The following GAS5 variants were observed in gnomAD, a reference collection of about 807,000 sequenced individuals.
GAS5 encodes growth arrest specific 5 (non-protein coding).
chr1:173,864,782 ATG>A (rs1654295087), intron 6 of GAS5: 1 of 517,666 alleles, frequency 1.9e-6, no homozygotes, highest in Admixed American at 2.0e-5. Flanking sequence ...ACATTATAGA[ATG>A]GCTATATTCC....
At chr1:173,866,683 A>G (rs1407625098) in intron 2 of GAS5, 4 of 765,018 alleles carry the variant, frequency 5.2e-6, no homozygotes, top group Non-Finnish European at 9.6e-6. Flanking sequence ...TCTAGCACTC[A>G]AGAGTAGCAA....
chr1:173,866,439 G>T, intron 3 of GAS5: 1 of 607,152 alleles, frequency 1.6e-6, no homozygotes, highest in Non-Finnish European at 3.2e-6. Context: ...TGAAAAGAGG[G>T]GAGAGAAGCA....
intron 4 of GAS5, chr1:173,865,997 G>A (rs777091877): frequency 1.9e-6 from 1 of 519,164 alleles, no homozygotes; most frequent in Non-Finnish European, 3.8e-6. Context: ...AGACCTTCAT[G>A]TTCAGTCAGC....
rs539271020 is a variant in GAS5 at position 173,866,225 on chromosome 1, A to T, written n.132-19T>A. On this transcript the variant is annotated intron_variant and non_coding_transcript_variant, in intron 3 of 7. Transcript: ENST00000651080. ...CTAATGCCTGTAATTTTAATACAAA[A>T]TTGTCAGCAAAAAATATTTTAATGG... The T allele has an allele frequency of 1.5e-4, 73 of 485,754 alleles. No individual in the cohort carries two copies. Among genetic ancestry groups the T allele is most frequent in the Admixed American group, 6.7e-4 (31 of 46,326 alleles). The allele number at this position is 485,754 out of a possible 1,614,324, so 30.1% of individuals were successfully genotyped here. A position where few individuals can be genotyped will look rare whatever the true frequency, so the allele number is the denominator to read the frequency against.
chr1:173,867,138 T>A (rs978686555), upstream of GAS5: 1 of 604,228 alleles, frequency 1.7e-6, no homozygotes, highest in East Asian at 2.7e-5. Context: ...TTTAAACCAA[T>A]GATGCAGGTA....
At chr1:173,865,186 CTCT>C (rs543257931) in intron 6 of GAS5, 3 of 328,450 alleles carry the variant, frequency 9.1e-6, no homozygotes, top group East Asian at 1.6e-4. Context: ...AAGAGCTAGA[CTCT>C]TGTCTAAAAA....
rs1300234243 is a variant in GAS5, at chr1:173,864,529, A to G, written n.277-225T>C. ...TGCCTGTTTGAAGATGAAAAATAAT[A>G]CCCATTTAAAATTTGCCCTACTCAA... On this transcript the variant is annotated intron_variant and non_coding_transcript_variant, in intron 6 of 7. Coordinates refer to ENST00000651080, the Ensembl canonical transcript of GAS5. 1.4e-4 allele frequency: 59 copies of G among 418,986 alleles called. 2 individuals are homozygous for G. Among genetic ancestry groups the G allele is most frequent in the South Asian group, 9.8e-4 (57 of 57,900 alleles). 26.0% of individuals were successfully genotyped at this position (418,986 alleles called of 1,614,324 possible). A position where few individuals can be genotyped will look rare whatever the true frequency, so the allele number is the denominator to read the frequency against.
chr1:173,865,299 TCCTTTAC>T, intron 6 of GAS5: 1 of 439,372 alleles, frequency 2.3e-6, no homozygotes, highest in Non-Finnish European at 4.5e-6. Context: ...AAATTTAATC[TCCTTTAC>T]CAATAGGTAG....
intron 7 of GAS5, chr1:173,863,955 T>C: frequency 3.5e-6 from 1 of 285,682 alleles, no homozygotes; most frequent in South Asian, 3.3e-5. Flanking sequence ...TCTTGTGCCA[T>C]GAGACTCCAT....
chr1:173,867,168 GC>G, upstream of GAS5: 1 of 579,786 alleles, frequency 1.7e-6, no homozygotes. Context: ...TCATTATCTA[GC>G]GACAGGTAAA....
upstream of GAS5, chr1:173,867,988 A>T (rs538430807): frequency 2.7e-5 from 9 of 328,822 alleles, no homozygotes; most frequent in South Asian, 1.9e-4. Flanking sequence ...TACCTCGAAA[A>T]GACAGTATGG....
chr1:173,864,091 A>C, intron 7 of GAS5: 1 of 496,128 alleles, frequency 2.0e-6, no homozygotes, highest in Non-Finnish European at 4.1e-6. Context: ...TCAAAAAATA[A>C]GACAAGACTT....
exon 2 of GAS5, chr1:173,866,775 T>A (rs1385496008): frequency 3.9e-6 from 3 of 765,222 alleles, no homozygotes; most frequent in Non-Finnish European, 7.2e-6. Context: ...GTAGCTATTC[T>A]CATCCTTCCT....
intron 2 of GAS5, chr1:173,866,699 C>G (rs1286857154): frequency 1.3e-6 from 1 of 765,254 alleles, no homozygotes; most frequent in Non-Finnish European, 2.4e-6. Flanking sequence ...AGCAAATAAA[C>G]TGTCATCATT....
chr1:173,867,613 G>C, upstream of GAS5: 2 of 517,708 alleles, frequency 3.9e-6, no homozygotes, highest in South Asian at 2.8e-5. Context: ...GAGAGCGGAC[G>C]GCTGATGGAG....
intron 4 of GAS5, chr1:173,866,081 ATTTAATG>A: frequency 1.9e-6 from 1 of 518,806 alleles, no homozygotes; most frequent in Non-Finnish European, 3.8e-6. Flanking sequence ...TCCGCCATTT[ATTTAATG>A]CATTCAGCAC....
intron 1 of GAS5, chr1:173,866,940 A>C (rs1381910114): frequency 5.2e-6 from 4 of 765,406 alleles, no homozygotes; most frequent in African/African-American, 5.1e-5. Flanking sequence ...TCACAGGCTG[A>C]GACCACCTCT....
chr1:173,864,865 C>T, intron 6 of GAS5: 1 of 519,190 alleles, frequency 1.9e-6, no homozygotes. Context: ...TAATATTGCT[C>T]ATCAGCGTTA....
At chr1:173,864,228 A>T (rs200180809) in intron 7 of GAS5, 4 of 516,794 alleles carry the variant, frequency 7.7e-6, no homozygotes, top group Admixed American at 1.9e-5. Flanking sequence ...TTCTGCAATT[A>T]TAATAGTCCC....
Sources: allele counts gnomAD v4.1 joint callset, GRCh38; gene constraint gnomAD v4.1.1; transcripts MANE v1.5; gene names NCBI Gene and HGNC (gene_info 2026-07-23, HGNC 2026-07-21).